Variants in MBD5 observed in about 807,000 individuals in gnomAD.
MBD5 encodes the protein methyl-CpG-binding domain protein 5.
A neutral mutation model predicts 117.3 loss-of-function variants in MBD5; 13 were observed. That is an observed-to-expected ratio of 0.11 (90% CI 0.07 to 0.18). The LOEUF (loss-of-function observed/expected upper bound fraction) is 0.18. Ranked by LOEUF, MBD5 falls within the 10% of genes least tolerant of loss-of-function variation. The pLI is 1.00. For missense variants in MBD5, 1,879 were observed against 2,093.8 expected (o/e 0.90, Z 2.00); for synonymous variants, 727 against 766.4 (o/e 0.95, Z 0.85).
intron 10 of MBD5, among the ~76,000 whole-genome samples, chr2:148,486,987 T>C (rs1399709412): frequency 6.6e-6 from 1 of 152,202 alleles, no homozygotes; most frequent in Non-Finnish European, 1.5e-5. Context: ...CAAGCACATA[T>C]CAAAATGTTC....
At chr2:148,253,135 A>G (rs969541031) in intron 3 of MBD5, among the ~76,000 whole-genome samples, 1 of 152,188 alleles carries the variant, frequency 6.6e-6, no homozygotes, top group Non-Finnish European at 1.5e-5. Context: ...CTGGTACTTC[A>G]TGCAAAAGGT....
chr2:148,510,036 G>GATTAAAAAA (rs1169730167), intron 12 of MBD5, 24 bp from the exon 13 acceptor site: 1 of 1,522,148 alleles, frequency 6.6e-7, no homozygotes, highest in Admixed American at 1.7e-5. Flanking sequence ...TTTTAATCTG[G>GATTAAAAAA]TGTGTTGTTT....
At position 148,515,323 on chromosome 2, in the gene MBD5, G is replaced by GACC. The variant is rs1682324495; in HGVS notation, c.*2384_*2386dup. 6.6e-6 allele frequency: 1 copy of GACC among 152,258 alleles called. No individual in the cohort carries two copies. The highest frequency in any genetic ancestry group is 2.4e-5 in the African/African-American group (1 of 41,558). 9.4% of individuals were successfully genotyped at this position (152,258 alleles called of 1,614,324 possible). A position where few individuals can be genotyped will look rare whatever the true frequency, so the allele number is the denominator to read the frequency against. Reference sequence around the variant, plus strand: ...TCCCATTGTATACTTTACATAAGTAGACCATGTAAAGTATGTTTGTGCCCA... The same window carrying GACC: ...TCCCATTGTATACTTTACATAAGTAGACCACCATGTAAAGTATGTTTGTGCCCA... On this transcript the variant is annotated 3_prime_UTR_variant, in exon 14 of 14. Transcript: ENST00000642680.
At chr2:148,329,471 C>T (rs867628043) in intron 3 of MBD5, among the ~76,000 whole-genome samples, 1 of 151,366 alleles carries the variant, frequency 6.6e-6, no homozygotes, top group African/African-American at 2.4e-5. Flanking sequence ...TTTCAATTTC[C>T]CCTTAATGTT....
Position 148,057,159 on chromosome 2 carries a change from T to C in MBD5, c.-925+35475T>C, listed in dbSNP as rs185909942. 1.4e-4 allele frequency among the ~76,000 whole-genome samples: 21 copies of C among 151,942 alleles called. No individual in the cohort carries two copies. The East Asian group carries it at 4.1e-3, about 29-fold the overall frequency. On this transcript the variant is annotated intron_variant, in intron 1 of 13. Transcript: ENST00000642680. Reference sequence around the variant, plus strand: ...ATTAATCTTTTTGAAAAGGAACCAGTTTTTTGTATTACTGTTATTTTCTAT... The same window carrying C: ...ATTAATCTTTTTGAAAAGGAACCAGCTTTTTGTATTACTGTTATTTTCTAT...
chr2:148,345,005 T>C (rs1272366133), intron 4 of MBD5, among the ~76,000 whole-genome samples: 1 of 151,850 alleles, frequency 6.6e-6, no homozygotes, highest in African/African-American at 2.4e-5. Context: ...CTTAGAGATA[T>C]ATGTCCTAGT....
chr2:148,246,459 A>G (rs936160453), intron 3 of MBD5, among the ~76,000 whole-genome samples: 1 of 152,138 alleles, frequency 6.6e-6, no homozygotes, highest in Admixed American at 6.5e-5. Context: ...GAATTCATCT[A>G]CAGATAACTG....
chr2:148,464,828 C>T (rs972215511), intron 7 of MBD5, among the ~76,000 whole-genome samples: 1 of 146,898 alleles, frequency 6.8e-6, no homozygotes, highest in African/African-American at 2.5e-5. Context: ...ACTAGCCAGG[C>T]ATGGTGGTGG....
At chr2:148,407,325 C>A (rs1170039599) in intron 4 of MBD5, among the ~76,000 whole-genome samples, 1 of 149,762 alleles carries the variant, frequency 6.7e-6, no homozygotes, top group Non-Finnish European at 1.5e-5. Flanking sequence ...GTGGAATTTC[C>A]CAGTGGCTTT....
chr2:148,496,466 G>A (rs1353919008), intron 11 of MBD5, among the ~76,000 whole-genome samples: 3 of 152,136 alleles, frequency 2.0e-5, no homozygotes, highest in Non-Finnish European at 4.4e-5. Context: ...AGAGGACTAG[G>A]AGGCCTATCT....
At position 148,485,856 on chromosome 2, in the gene MBD5, A is replaced by G; in HGVS notation, c.3659A>G (p.Gln1220Arg). 6.2e-7 allele frequency: 1 copy of G among 1,614,138 alleles called. No individual in the cohort carries two copies. The highest frequency in any genetic ancestry group is 8.5e-7 in the Non-Finnish European group (1 of 1,179,970). ...AATCAGCAACAGCAGCAACTTCTCC[A>G]GGGGTACCAGAATCTCCAGGCGTTC... ...PPNQQQQQLL[Q>R]GYQNLQAFQG... is the part of the protein sequence containing the mutation. Residue 1220 changes from glutamine to arginine, a missense_variant, in exon 10 of 14, where the codon CAG (glutamine) becomes CGG (arginine). This residue lies in a region of MBD5 where 1,666 missense variants were observed against 1,792.2 expected (regional missense o/e 0.93). Transcript: ENST00000642680.
At position 148,470,382 on chromosome 2, in the gene MBD5, G is replaced by A. The variant is rs754923643; in HGVS notation, c.2439G>A (p.Gln813=). The stretch of plus-strand genomic sequence containing the variant: ...ATTCCTTACATCCCAATCCACCTCA[G>A]TCAAGAATTTCAACGTCCTCCACTC... The part of the protein sequence containing the change: ...LGNSLHPNPP[Q]SRISTSSTPV... Residue 813 remains glutamine, a synonymous_variant, in exon 8 of 14, where the codon CAG becomes CAA. Transcript: ENST00000642680. 8.7e-6 allele frequency: 14 copies of A among 1,613,454 alleles called. No homozygotes were observed. In the South Asian group the frequency reaches 1.5e-4, roughly 18 times the overall value.
intron 11 of MBD5, among the ~76,000 whole-genome samples, chr2:148,501,388 A>G (rs1237520050): frequency 6.6e-6 from 1 of 152,162 alleles, no homozygotes; most frequent in Non-Finnish European, 1.5e-5. Context: ...GGGGAGTAGC[A>G]GGGGTTGGAG....
intron 4 of MBD5, among the ~76,000 whole-genome samples, chr2:148,411,081 G>C (rs1705231536): frequency 6.6e-6 from 1 of 152,082 alleles, no homozygotes; most frequent in African/African-American, 2.4e-5. Flanking sequence ...TCAATGGTTA[G>C]CTCTCACTTA....
At chr2:148,122,022 AC>A (rs149773735) in intron 1 of MBD5, among the ~76,000 whole-genome samples, 1,872 of 152,032 alleles carry the variant, frequency 0.012, 45 homozygotes, top group African/African-American at 0.043. Context: ...CATTATGGAA[AC>A]CCTTGCATAT....
At chr2:148,508,746 C>T (rs760650177) in intron 12 of MBD5, among the ~76,000 whole-genome samples, 12 of 152,300 alleles carry the variant, frequency 7.9e-5, no homozygotes, top group Non-Finnish European at 1.6e-4. Context: ...TAATTTTTCC[C>T]TTCAGTTAAA....
At chr2:148,498,978 T>A (rs1027814550) in intron 11 of MBD5, among the ~76,000 whole-genome samples, 2 of 152,120 alleles carry the variant, frequency 1.3e-5, no homozygotes, top group Admixed American at 1.3e-4. Flanking sequence ...ACAATTTGAA[T>A]GAAAGAAGAG....
chr2:148,421,298 C>T (rs1461617553), intron 4 of MBD5, among the ~76,000 whole-genome samples: 2 of 152,102 alleles, frequency 1.3e-5, no homozygotes, highest in South Asian at 2.1e-4. Context: ...GGTGGGGCAT[C>T]GCCTCACCTG....
At chr2:148,424,184 A>C (rs1416232674) in intron 4 of MBD5, among the ~76,000 whole-genome samples, 4 of 75,786 alleles carry the variant, frequency 5.3e-5, no homozygotes, top group African/African-American at 3.0e-4. Flanking sequence ...TCTCAAAAAA[A>C]AAAAAAAAAA....
Sources: allele counts gnomAD v4.1 joint callset (sites outside exome capture counted in the v4.1 genomes callset), GRCh38; gene constraint gnomAD v4.1.1; regional missense constraint gnomAD v4.1.1; transcripts MANE v1.5; gene names NCBI Gene and HGNC (gene_info 2026-07-23, HGNC 2026-07-21).